TULP4: variants seen among roughly 807,000 people sequenced by gnomAD.
TULP4 encodes the protein tubby-related protein 4.
Under a neutral mutation model 129.0 loss-of-function variants are expected in TULP4, and 16 were observed. That is an observed-to-expected ratio of 0.12 (90% CI 0.08 to 0.19). TULP4 has a LOEUF of 0.19. Among genes scored for constraint, TULP4 ranks in the 10% least tolerant of loss-of-function variants. TULP4 has a pLI of 1.00. For missense variants in TULP4, 1,842 were observed against 2,059.1 expected, an observed-to-expected ratio of 0.89 and a Z score of 2.04; for synonymous variants, 998 against 854.0, an observed-to-expected ratio of 1.17 and a Z score of -2.94.
chr6:158,489,582 T>C lies in TULP4; in HGVS notation c.1487-6T>C, dbSNP rs1272945434. 2.5e-6 allele frequency: 4 copies of C among 1,614,128 alleles called. No individual in the cohort carries two copies. Among genetic ancestry groups the C allele is most frequent in the South Asian group, 1.1e-5 (1 of 91,082 alleles). ...CCTTGAAATCTGCTGGTTGGTGTTTTACCAGATGAAATCTATGGGAACAGC... is the reference window on the plus strand; with the variant it reads ...CCTTGAAATCTGCTGGTTGGTGTTTCACCAGATGAAATCTATGGGAACAGC... On this transcript the variant is annotated splice_polypyrimidine_tract_variant and splice_region_variant and intron_variant, in intron 8 of 13. Coordinates refer to ENST00000367097, the MANE Select transcript of TULP4 (RefSeq NM_020245.5).
chr6:158,283,481 G>A (rs184871652), intron 1 of TULP4, among the ~76,000 whole-genome samples: 156 of 152,324 alleles, frequency 1.0e-3, no homozygotes, highest in Non-Finnish European at 1.2e-3. Context: ...AGCAGGCAGA[G>A]CACAGCGTCC....
chr6:158,450,455 AT>A (rs1191773470), intron 4 of TULP4, among the ~76,000 whole-genome samples: 6 of 152,182 alleles, frequency 3.9e-5, no homozygotes, highest in African/African-American at 1.4e-4. Flanking sequence ...ACACATACTC[AT>A]TCATTTATTC....
Position 158,449,172 on chromosome 6 carries a change from C to G in TULP4, c.720C>G (p.Pro240=). Residue 240 remains proline, a synonymous_variant, in exon 4 of 14, where the codon CCC becomes CCG. Transcript: ENST00000367097. ...SDTDSDDYAP[P]QDGPAAYPIP... is the part of the protein sequence containing the mutation. ...CGGACTCAGATGACTACGCCCCTCCCCAAGGTACTCATTGGCCCTACTTTC... is the reference window on the plus strand; with the variant it reads ...CGGACTCAGATGACTACGCCCCTCCGCAAGGTACTCATTGGCCCTACTTTC... 1.2e-6 allele frequency: 2 copies of G among 1,611,070 alleles called. No individual in the cohort carries two copies. The highest frequency in any genetic ancestry group is 1.7e-6 in the Non-Finnish European group (2 of 1,178,486).
In TULP4 at chr6:158,338,758, G is replaced by A. The variant is rs181050579; in HGVS notation, c.252+24490G>A. On this transcript the variant is annotated intron_variant, in intron 1 of 13. Transcript: ENST00000367097. ...GCCAGGACCAGAGAGGGACCAGGTGGGATTGGTAGTTACAGGTAAAGAGGG... is the reference window on the plus strand; with the variant it reads ...GCCAGGACCAGAGAGGGACCAGGTGAGATTGGTAGTTACAGGTAAAGAGGG... Among the ~76,000 whole-genome samples, 44 of 152,318 alleles carry A rather than the reference G, an allele frequency of 2.9e-4. 1 individual carries two copies. The East Asian group carries it at 5.4e-3, about 19-fold the overall frequency.
chr6:158,256,017 T>C (rs954104895), intron 1 of TULP4, among the ~76,000 whole-genome samples: 9 of 152,192 alleles, frequency 5.9e-5, no homozygotes, highest in Non-Finnish European at 1.2e-4. Context: ...GAGCCTGTTA[T>C]AGGTTTAAGT....
At chr6:158,350,257 AGAGGGGCTCCTCACATCCCAGACGATGGG>A (rs1780479738) in intron 1 of TULP4, among the ~76,000 whole-genome samples, 2 of 138,038 alleles carry the variant, frequency 1.4e-5, no homozygotes, top group Non-Finnish European at 3.3e-5. Context: ...GCGGCCGGGC[AGAGGGGCTCCTCACATCCCAGACGATGGG>A]CGGCCAGGCA....
chr6:158,284,465 T>C (rs1778805198), intron 1 of TULP4, among the ~76,000 whole-genome samples: 1 of 152,224 alleles, frequency 6.6e-6, no homozygotes, highest in Non-Finnish European at 1.5e-5. Context: ...GAGCTGGGGA[T>C]ATGCTGACGA....
chr6:158,370,229 G>A (rs1275664008), intron 1 of TULP4, among the ~76,000 whole-genome samples: 3 of 151,992 alleles, frequency 2.0e-5, no homozygotes, highest in East Asian at 1.9e-4. Context: ...GGCTGAGGCG[G>A]GCGGATCACC....
At chr6:158,325,770 A>C (rs7750011) in intron 1 of TULP4, among the ~76,000 whole-genome samples, 26,218 of 152,128 alleles carry the variant, frequency 0.17, 2,649 homozygotes, top group Middle Eastern at 0.25. Flanking sequence ...CATTTCACCT[A>C]AACTGGCTTA....
chr6:158,503,297 G>T lies in TULP4; in HGVS notation c.3634G>T (p.Ala1212Ser), dbSNP rs755725430. ...GVQAPCSPKD[A>S]LSPTQFAQQE... ...GCAGGCTCCCTGCTCTCCCAAAGAT[G>T]CCCTGTCCCCAACGCAGTTTGCACA... The change falls in exon 13 of 14, where the codon GCC becomes TCC. Residue 1212 changes from alanine (A) to serine (S), a missense_variant. Around this residue, in one of 5 missense-constraint regions of TULP4, gnomAD observed 1,089 missense variants for 987.1 expected, o/e 1.10. Coordinates refer to ENST00000367097, the MANE Select transcript of TULP4 (RefSeq NM_020245.5). The surrounding 1 kb of genome is among the most constrained non-coding windows in gnomAD (Gnocchi z 4.3). 2 of 1,613,890 alleles carry T rather than the reference G, an allele frequency of 1.2e-6. No homozygotes were observed. The highest frequency in any genetic ancestry group is 2.2e-5 in the East Asian group (1 of 44,868).
In TULP4 at chr6:158,481,119, G is replaced by A. The variant is rs371117270; in HGVS notation, c.1316G>A (p.Arg439Gln). 10 of 1,605,502 alleles carry A rather than the reference G, an allele frequency of 6.2e-6. No homozygotes were observed. Among genetic ancestry groups the A allele is most frequent in the East Asian group, 4.5e-5 (2 of 44,628 alleles). Residue 439 changes from arginine to glutamine, a missense_variant, in exon 8 of 14, where the codon CGG (arginine) becomes CAG (glutamine). Arg to Gln is a conservative substitution (Grantham distance 43, BLOSUM62 1). Transcript: ENST00000367097. Reference protein sequence around the residue: ...FVSYPSAGNERLHCTMKRTED... With the variant: ...FVSYPSAGNEQLHCTMKRTED... ...AGCTACCCATCAGCCGGCAACGAGC[G>A]GCTGCACTGCACCATGAAGCGCACA...
chr6:158,273,415 C>G (rs571770964), intron 1 of TULP4, among the ~76,000 whole-genome samples: 1 of 152,308 alleles, frequency 6.6e-6, no homozygotes, highest in African/African-American at 2.4e-5. Context: ...CCTCACTGGG[C>G]TTAGTATGTT....
intron 1 of TULP4, among the ~76,000 whole-genome samples, chr6:158,359,172 A>T (rs1339901300): frequency 1.3e-5 from 2 of 152,172 alleles, no homozygotes; most frequent in Non-Finnish European, 2.9e-5. Flanking sequence ...TCTTACCTAG[A>T]AAAGAAATGG....
intron 1 of TULP4, among the ~76,000 whole-genome samples, chr6:158,330,168 G>T (rs190745568): frequency 1.0e-3 from 154 of 152,140 alleles, no homozygotes; most frequent in African/African-American, 3.5e-3. Flanking sequence ...TTGAAATCTG[G>T]CACATCTCAA....
At chr6:158,299,700 G>A (rs1223494258) in intron 1 of TULP4, among the ~76,000 whole-genome samples, 1 of 152,144 alleles carries the variant, frequency 6.6e-6, no homozygotes, top group African/African-American at 2.4e-5. Context: ...GTAGCTCCAG[G>A]CAGCCACACA....
At chr6:158,261,214 G>A (rs4710159) in intron 1 of TULP4, among the ~76,000 whole-genome samples, 50,828 of 152,094 alleles carry the variant, frequency 0.33, 9,545 homozygotes, top group Admixed American at 0.46. Context: ...TACCAGGCAC[G>A]TGGAGGCTGT....
chr6:158,279,492 A>G (rs1396640461), upstream of TULP4, among the ~76,000 whole-genome samples: 1 of 152,200 alleles, frequency 6.6e-6, no homozygotes, highest in African/African-American at 2.4e-5. Context: ...ACACTAATAC[A>G]TTTAGAAGAT....
intron 1 of TULP4, among the ~76,000 whole-genome samples, chr6:158,264,114 AT>A (rs1778402453): frequency 6.6e-6 from 1 of 152,164 alleles, no homozygotes; most frequent in Non-Finnish European, 1.5e-5. Flanking sequence ...ACTTAACAAA[AT>A]TTTACTCATG....
rs1436184540 is a variant in TULP4, at chr6:158,502,651, C to G, written c.2988C>G (p.Leu996=). ...GGAGGAACAACCGTGAGGCTACGCT[C>G]AAGATGGCCCAGCTGGCCGACAGCC... ...TLRRNNREAT[L]KMAQLADSPR... is the part of the protein sequence containing the mutation. The change falls in exon 13 of 14, where the codon CTC becomes CTG. Residue 996 remains leucine, a synonymous_variant. Transcript: ENST00000367097. 11 of 1,573,972 alleles carry G rather than the reference C, an allele frequency of 7.0e-6. No homozygotes were observed. Among genetic ancestry groups the G allele is most frequent in the Non-Finnish European group, 9.5e-6 (11 of 1,163,980 alleles).
Sources: allele counts gnomAD v4.1 joint callset (sites outside exome capture counted in the v4.1 genomes callset), GRCh38; gene constraint gnomAD v4.1.1; regional missense constraint gnomAD v4.1.1; non-coding constraint Gnocchi (gnomAD v3.1); transcripts MANE v1.5; gene names NCBI Gene and HGNC (gene_info 2026-07-23, HGNC 2026-07-21).